Variants in CYB5R4 observed in about 807,000 individuals in gnomAD.
The protein encoded by CYB5R4 is cytochrome b5 reductase 4.
A neutral mutation model predicts 70.2 loss-of-function variants in CYB5R4; 55 were observed. The ratio of observed to expected loss-of-function variants is 0.78; its 90% confidence interval spans 0.63 to 0.98. CYB5R4 has a LOEUF of 0.98. CYB5R4 is among the 50% of genes least tolerant of loss of function. The pLI, the probability that CYB5R4 is intolerant of heterozygous loss-of-function variation, is 0.00. For synonymous variants in CYB5R4, 197 were observed against 199.5 expected (o/e 0.99, Z 0.11); for missense variants, 562 against 612.6 (o/e 0.92, Z 0.87).
chr6:83,940,340 C>A, intron 13 of CYB5R4, 134 bp downstream of exon 13: 2 of 1,103,748 alleles, frequency 1.8e-6, no homozygotes, highest in Non-Finnish European at 2.5e-6. Context: ...ACTTTGCCTC[C>A]TCTAATCCTA....
chr6:83,875,674 C>T (rs535376078), intron 2 of CYB5R4, among the ~76,000 whole-genome samples: 1 of 152,290 alleles, frequency 6.6e-6, no homozygotes, highest in African/African-American at 2.4e-5. Flanking sequence ...AGAGGAGGAA[C>T]GCATCCACCC....
In CYB5R4 at chr6:83,865,258, C is replaced by T. The variant is rs919900497; in HGVS notation, c.229+930C>T. 5.3e-5 allele frequency among the ~76,000 whole-genome samples: 8 copies of T among 152,088 alleles called. No homozygotes were observed. In the East Asian group the frequency reaches 1.4e-3, roughly 26 times the overall value. ...GAAGTATGGTCACTTAAAGAGGTAT[C>T]TGGTGGTTTTCACAGTGGATTGGTG... On this transcript the variant is annotated intron_variant, in intron 2 of 15. Coordinates refer to ENST00000369681, the MANE Select transcript of CYB5R4 (RefSeq NM_016230.4).
At chr6:83,955,024 G>T (rs564370765) in intron 14 of CYB5R4, among the ~76,000 whole-genome samples, 1 of 151,824 alleles carries the variant, frequency 6.6e-6, no homozygotes, top group South Asian at 2.1e-4. Flanking sequence ...AGGGTTACAG[G>T]TGTGAGCTAC....
At chr6:83,919,351 C>T (rs1562839138) in intron 6 of CYB5R4, 46 bp from the exon 7 acceptor site, 16 of 1,024,326 alleles carry the variant, frequency 1.6e-5, no homozygotes, top group Non-Finnish European at 2.2e-5. Flanking sequence ...TGTGAATGCA[C>T]ATGATTGTCA....
In CYB5R4 at chr6:83,961,741, C is replaced by G. The variant is rs2129147111; in HGVS notation, c.*1863C>G. 6.6e-6 allele frequency: 1 copy of G among 152,070 alleles called. No homozygotes were observed. Among genetic ancestry groups the G allele is most frequent in the South Asian group, 2.1e-4 (1 of 4,820 alleles). The allele number at this position is 152,070 out of a possible 1,614,324, so 9.4% of individuals were successfully genotyped here. ...TTTTTTTAGTTCATTTGCGATGTAT[C>G]AAATCTAACTTAGCCAACATCTTTC... On this transcript the variant is annotated 3_prime_UTR_variant, in exon 16 of 16. Transcript: ENST00000369681.
intron 3 of CYB5R4, among the ~76,000 whole-genome samples, chr6:83,905,653 C>T (rs1424430997): frequency 6.6e-6 from 1 of 151,946 alleles, no homozygotes; most frequent in African/African-American, 2.4e-5. Context: ...CCCAGGATGG[C>T]ATATGCTGGC....
At chr6:83,945,431 G>A (rs1240900633) in intron 14 of CYB5R4, among the ~76,000 whole-genome samples, 1 of 152,162 alleles carries the variant, frequency 6.6e-6, no homozygotes, top group Non-Finnish European at 1.5e-5. Context: ...AGTGTATAGA[G>A]GGAAATTTAT....
intron 2 of CYB5R4, among the ~76,000 whole-genome samples, chr6:83,877,572 G>A (rs1239373396): frequency 1.3e-5 from 2 of 152,080 alleles, no homozygotes; most frequent in Non-Finnish European, 2.9e-5. Context: ...GGGGGAGGAT[G>A]TGCCAGGCTC....
intron 2 of CYB5R4, among the ~76,000 whole-genome samples, chr6:83,889,099 A>G (rs535516315): frequency 3.9e-5 from 6 of 152,372 alleles, no homozygotes; most frequent in South Asian, 2.1e-4. Flanking sequence ...AGGTTGGTTC[A>G]TGAGGTTTAA....
At chr6:83,944,142 C>G (rs147162673) in intron 14 of CYB5R4, among the ~76,000 whole-genome samples, 1,752 of 152,112 alleles carry the variant, frequency 0.012, 34 homozygotes, top group African/African-American at 0.04. Flanking sequence ...TCAGATTCAC[C>G]AAGGTTGAAA....
At chr6:83,863,547 T>C (rs182839325) in intron 1 of CYB5R4, among the ~76,000 whole-genome samples, 8 of 152,272 alleles carry the variant, frequency 5.3e-5, no homozygotes, top group African/African-American at 1.9e-4. Context: ...TGAAGAAATT[T>C]TGGTCCAAAC....
chr6:83,880,826 A>G (rs1425179663), intron 2 of CYB5R4, among the ~76,000 whole-genome samples: 1 of 152,184 alleles, frequency 6.6e-6, no homozygotes, highest in African/African-American at 2.4e-5. Context: ...GTATTTAAAA[A>G]TATTTCTCCT....
At chr6:83,959,160 ATAGAAG>A (rs1201438208) in intron 15 of CYB5R4, among the ~76,000 whole-genome samples, 3 of 152,298 alleles carry the variant, frequency 2.0e-5, no homozygotes, top group African/African-American at 7.2e-5. Flanking sequence ...ATAAAGAATG[ATAGAAG>A]TAGAATATCA....
rs546536035 is a variant in CYB5R4 at position 83,887,653 on chromosome 6, G to A, written c.230-5869G>A. Among the ~76,000 whole-genome samples, 5 of 152,142 alleles carry A rather than the reference G, an allele frequency of 3.3e-5. 1 individual carries two copies. The South Asian group carries it at 6.2e-4, about 19-fold the overall frequency. On this transcript the variant is annotated intron_variant, in intron 2 of 15. Transcript: ENST00000369681. ...TGGAGTATACCTTCCTAATACAACC[G>A]TTGTATTTTAGTTTTAATAAGTGGC... is the stretch of plus-strand genomic sequence containing the variant.
chr6:83,879,662 G>A (rs553960992), intron 2 of CYB5R4, among the ~76,000 whole-genome samples: 1 of 152,164 alleles, frequency 6.6e-6, no homozygotes, highest in Admixed American at 6.5e-5. Flanking sequence ...CTCTAATCTT[G>A]CTGCAGATAT....
intron 3 of CYB5R4, among the ~76,000 whole-genome samples, chr6:83,894,151 G>A (rs895329413): frequency 6.6e-6 from 1 of 152,242 alleles, no homozygotes; most frequent in East Asian, 1.9e-4. Flanking sequence ...TTCTGTATAG[G>A]TTATCTCAAA....
In CYB5R4 at chr6:83,940,041, T is replaced by C; in HGVS notation, c.1109-15T>C. On this transcript the variant is annotated splice_polypyrimidine_tract_variant and intron_variant, in intron 12 of 15. Coordinates refer to ENST00000369681, the MANE Select transcript of CYB5R4 (RefSeq NM_016230.4). ...TTTTTTTTTTTTCTGATTTAGCTTA[T>C]GTTTCATTGTTTAGGAGATTTTGTT... 6.7e-6 allele frequency: 10 copies of C among 1,501,902 alleles called. No homozygotes were observed. The highest frequency in any genetic ancestry group is 9.0e-6 in the Non-Finnish European group (10 of 1,112,134). 93.0% of individuals were successfully genotyped at this position (1,501,902 alleles called of 1,614,324 possible). A position where few individuals can be genotyped will look rare whatever the true frequency, so the allele number is the denominator to read the frequency against.
rs561457289 is a variant in CYB5R4, at chr6:83,936,170, T to G, written c.956-54T>G. 2.7e-4 allele frequency: 358 copies of G among 1,341,706 alleles called. No homozygotes were observed. In the African/African-American group the frequency reaches 4.2e-3, roughly 16 times the overall value. The allele number at this position is 1,341,706 out of a possible 1,614,324, so 83.1% of individuals were successfully genotyped here. On this transcript the variant is annotated intron_variant, in intron 11 of 15. Coordinates refer to ENST00000369681, the MANE Select transcript of CYB5R4 (RefSeq NM_016230.4). Reference sequence around the variant, plus strand: ...CAAAATTTGGATGTTTCATTTTCATTGAGATTTTTGGATTTTTAGAATTTA... The same window carrying G: ...CAAAATTTGGATGTTTCATTTTCATGGAGATTTTTGGATTTTTAGAATTTA...
In CYB5R4 at chr6:83,965,336, T is replaced by G. The variant is rs1379660310; in HGVS notation, c.*5458T>G. The G allele has an allele frequency of 1.3e-5, 2 of 152,232 alleles. No homozygotes were observed. The highest frequency in any genetic ancestry group is 4.8e-5 in the African/African-American group (2 of 41,444). The allele number at this position is 152,232 out of a possible 1,614,324, so 9.4% of individuals were successfully genotyped here. A position where few individuals can be genotyped will look rare whatever the true frequency, so the allele number is the denominator to read the frequency against. The stretch of plus-strand genomic sequence containing the variant: ...GCCCAAGACCATGGGAAGCCACCTC[T>G]TGCATCAGCGTGACCTGGATGTGAG... On this transcript the variant is annotated 3_prime_UTR_variant, in exon 16 of 16. Transcript: ENST00000369681.
Sources: allele counts gnomAD v4.1 joint callset (sites outside exome capture counted in the v4.1 genomes callset), GRCh38; gene constraint gnomAD v4.1.1; transcripts MANE v1.5; gene names NCBI Gene and HGNC (gene_info 2026-07-23, HGNC 2026-07-21).